The following SIK2 variants were observed in gnomAD, a reference collection of about 807,000 sequenced individuals.
SIK2 encodes serine/threonine-protein kinase SIK2.
In SIK2, 29 loss-of-function variants were observed where a neutral mutation model predicts 103.2. That is an observed-to-expected ratio of 0.28 (90% CI 0.21 to 0.38). SIK2 has a LOEUF of 0.38. Ranked by LOEUF, SIK2 falls within the 10% of genes least tolerant of loss-of-function variation. The pLI is 1.00. For missense variants in SIK2, 879 were observed against 1,171.0 expected, an observed-to-expected ratio of 0.75 and a Z score of 3.64; for synonymous variants, 412 against 446.1, an observed-to-expected ratio of 0.92 and a Z score of 0.96.
intron 2 of SIK2, among the ~76,000 whole-genome samples, chr11:111,617,476 C>T (rs553197724): frequency 2.0e-5 from 3 of 152,254 alleles, no homozygotes; most frequent in African/African-American, 4.8e-5. Flanking sequence ...CCGCCTGTAC[C>T]GGCTCGTTGA....
chr11:111,729,052 G>A lies in SIK2; in HGVS notation c.*4923G>A, dbSNP rs1261356495. 2 of 152,254 alleles carry A rather than the reference G, an allele frequency of 1.3e-5. No homozygotes were observed. Among genetic ancestry groups the A allele is most frequent in the Admixed American group, 6.5e-5 (1 of 15,288 alleles). 9.4% of individuals were successfully genotyped at this position (152,254 alleles called of 1,614,324 possible). On this transcript the variant is annotated 3_prime_UTR_variant, in exon 15 of 15. Coordinates refer to ENST00000304987, the MANE Select transcript of SIK2 (RefSeq NM_015191.3). ...CAGTGTGGTCTGAAGCACCTGTAATGTCAGAGCCCTTGTCTGGCCCTTGGT... is the reference window on the plus strand; with the variant it reads ...CAGTGTGGTCTGAAGCACCTGTAATATCAGAGCCCTTGTCTGGCCCTTGGT...
intron 8 of SIK2, among the ~76,000 whole-genome samples, chr11:111,706,993 A>G (rs1347489940): frequency 2.6e-5 from 4 of 151,576 alleles, no homozygotes; most frequent in Non-Finnish European, 5.9e-5. Flanking sequence ...ATTGATACAG[A>G]TGTAAGTAAA....
intron 3 of SIK2, among the ~76,000 whole-genome samples, chr11:111,660,669 T>TA (rs1328682963): frequency 2.6e-5 from 4 of 152,172 alleles, no homozygotes; most frequent in Non-Finnish European, 5.9e-5. Flanking sequence ...AATTTTGTCA[T>TA]AAAAAATATT....
rs1943201447 is a variant in SIK2, at chr11:111,701,044, T to C, written c.603+34T>C. Reference sequence around the variant, plus strand: ...TTGCTTTGCTGTGTTGTTAAATGCATCTATACTGATAATACTTGGTGTTCT... The same window carrying C: ...TTGCTTTGCTGTGTTGTTAAATGCACCTATACTGATAATACTTGGTGTTCT... On this transcript the variant is annotated intron_variant, in intron 5 of 14. Transcript: ENST00000304987. This position sits in a 1 kb window ranked among gnomAD's most constrained non-coding sequence, Gnocchi z 4.2. The C allele has an allele frequency of 1.2e-6, 2 of 1,601,368 alleles. No homozygotes were observed. The highest frequency in any genetic ancestry group is 1.7e-6 in the Non-Finnish European group (2 of 1,171,080).
Position 111,720,709 on chromosome 11 carries a change from C to A in SIK2, c.1727C>A (p.Ser576Tyr). ...CAGAAACGAGAGGTCCACAACAGGTCTCCAGTGAGCTTCAGAGAGGGCCGC... is the reference window on the plus strand; with the variant it reads ...CAGAAACGAGAGGTCCACAACAGGTATCCAGTGAGCTTCAGAGAGGGCCGC... ...SSQKREVHNR[S>Y]PVSFREGRRA... Residue 576 changes from serine to tyrosine, a missense_variant, in exon 11 of 15, where the codon TCT becomes TAT. Physicochemically the swap from Ser to Tyr is moderately radical, Grantham distance 144. Transcript: ENST00000304987. 1 of 1,612,464 alleles carries A rather than the reference C, an allele frequency of 6.2e-7. No individual in the cohort carries two copies.
chr11:111,722,564 A>G lies in SIK2; in HGVS notation c.2056-101A>G. The G allele has an allele frequency of 9.0e-7, 1 of 1,114,760 alleles. No homozygotes were observed. The highest frequency in any genetic ancestry group is 1.3e-6 in the Non-Finnish European group (1 of 759,496). The allele number at this position is 1,114,760 out of a possible 1,614,324, so 69.1% of individuals were successfully genotyped here. On this transcript the variant is annotated intron_variant, in intron 13 of 14. Transcript: ENST00000304987. This position sits in a 1 kb window ranked among gnomAD's most constrained non-coding sequence, Gnocchi z 4.4. ...TCCCTTCACCCCGTGTGGATTCTGT[A>G]GAATGCAGTTAGATTCATCCTGCAG... is the stretch of plus-strand genomic sequence containing the variant.
At position 111,602,606 on chromosome 11, in the gene SIK2, G is replaced by A; in HGVS notation, c.43G>A (p.Val15Ile). ...CCCGAGGCACTTGCAGCGCGGGCCG[G>A]TCCGGGTGGGGTTCTACGACATCGA... ...DGPRHLQRGPVRVGFYDIEGT... is the reference protein window; with the variant it reads ...DGPRHLQRGPIRVGFYDIEGT... Residue 15 changes from valine to isoleucine, a missense_variant, in exon 1 of 15, where the codon GTC becomes ATC. By Grantham distance (29) the Val-to-Ile change is conservative (BLOSUM62 3). This residue lies in a region of SIK2 where 47 missense variants were observed against 43.9 expected (regional missense o/e 1.07). Transcript: ENST00000304987. The surrounding 1 kb of genome is among the most constrained non-coding windows in gnomAD (Gnocchi z 4.5). 6.5e-7 allele frequency: 1 copy of A among 1,535,064 alleles called. No individual in the cohort carries two copies. Among genetic ancestry groups the A allele is most frequent in the South Asian group, 1.2e-5 (1 of 82,702 alleles).
At chr11:111,656,292 T>C (rs547609053) in intron 3 of SIK2, among the ~76,000 whole-genome samples, 31 of 152,170 alleles carry the variant, frequency 2.0e-4, no homozygotes, top group Non-Finnish European at 4.6e-4. Flanking sequence ...CAAGAACATA[T>C]TTATATTACT....
At position 111,726,659 on chromosome 11, in the gene SIK2, C is replaced by CCTAA. The variant is rs539025302; in HGVS notation, c.*2534_*2537dup. 6 of 391,396 alleles carry CCTAA rather than the reference C, an allele frequency of 1.5e-5. No individual in the cohort carries two copies. The highest frequency in any genetic ancestry group is 2.8e-5 in the Non-Finnish European group (6 of 211,898). 24.2% of individuals were successfully genotyped at this position (391,396 alleles called of 1,614,324 possible). A position where few individuals can be genotyped will look rare whatever the true frequency, so the allele number is the denominator to read the frequency against. On this transcript the variant is annotated 3_prime_UTR_variant, in exon 15 of 15. Transcript: ENST00000304987. ...GTCTGATCACCTGTGCTGCTCTGTC[C>CCTAA]CTAACTAGTGACCCATGGAAGCTTC...
chr11:111,700,149 T>C (rs1184948826), intron 4 of SIK2, among the ~76,000 whole-genome samples: 1 of 152,262 alleles, frequency 6.6e-6, no homozygotes, highest in African/African-American at 2.4e-5. Flanking sequence ...TGAAGGCATC[T>C]AAGTAGTGTT....
rs1301275798 is a variant in SIK2 at position 111,703,251 on chromosome 11, G to A, written c.776G>A (p.Arg259Gln). 1 of 1,614,038 alleles carries A rather than the reference G, an allele frequency of 6.2e-7. No homozygotes were observed. Among genetic ancestry groups the A allele is most frequent in the Non-Finnish European group, 8.5e-7 (1 of 1,180,034 alleles). The part of the protein sequence containing the change: ...RRMLVLDPSK[R>Q]LTIAQIKEHK... ...ATGTTGGTCCTAGACCCATCCAAAC[G>A]GCTAACCATAGCCCAAATCAAGGAG... The change falls in exon 7 of 15, where the codon CGG becomes CAG. Residue 259 changes from arginine (R) to glutamine (Q), a missense_variant. Physicochemically the swap from Arg to Gln is conservative, Grantham distance 43. Coordinates refer to ENST00000304987, the MANE Select transcript of SIK2 (RefSeq NM_015191.3).
At chr11:111,666,860 G>T (rs996461814) in intron 3 of SIK2, among the ~76,000 whole-genome samples, 6 of 152,042 alleles carry the variant, frequency 3.9e-5, no homozygotes, top group African/African-American at 1.4e-4. Context: ...TATGAAAATA[G>T]AATTTTTTGC....
intron 3 of SIK2, among the ~76,000 whole-genome samples, chr11:111,653,158 A>G (rs1470505683): frequency 2.6e-5 from 4 of 152,140 alleles, no homozygotes; most frequent in Admixed American, 2.6e-4. Flanking sequence ...CTTCCCCTCA[A>G]CCAGAAGGGC....
intron 1 of SIK2, among the ~76,000 whole-genome samples, chr11:111,603,922 T>C (rs975366762): frequency 1.3e-5 from 2 of 152,228 alleles, no homozygotes; most frequent in African/African-American, 4.8e-5. Context: ...ACGTGAGTGA[T>C]TTTTGGAGTT....
chr11:111,614,381 G>A (rs952801283), intron 1 of SIK2, among the ~76,000 whole-genome samples: 3 of 152,122 alleles, frequency 2.0e-5, no homozygotes, highest in Non-Finnish European at 4.4e-5. Context: ...ACAGCGCCCA[G>A]CCTGACTCCC....
In SIK2 at chr11:111,726,952, T is replaced by C; in HGVS notation, c.*2823T>C. On this transcript the variant is annotated 3_prime_UTR_variant, in exon 15 of 15. Coordinates refer to ENST00000304987, the MANE Select transcript of SIK2 (RefSeq NM_015191.3). ...TACTTTATTTTTTATGTTCTTTTTT[T>C]AAATCTGGGGTATTAGTCTGTGCTT... The C allele has an allele frequency of 6.2e-7, 1 of 1,611,984 alleles. No individual in the cohort carries two copies. The highest frequency in any genetic ancestry group is 8.5e-7 in the Non-Finnish European group (1 of 1,178,168).
chr11:111,716,517 C>T (rs946827137), intron 9 of SIK2, among the ~76,000 whole-genome samples: 1 of 152,100 alleles, frequency 6.6e-6, no homozygotes, highest in Non-Finnish European at 1.5e-5. Context: ...ATGGAGGTTG[C>T]AGTGAGCCCA....
In SIK2 at chr11:111,602,855, G is replaced by T. The variant is rs1017417271; in HGVS notation, c.135+157G>T. Among the ~76,000 whole-genome samples, 5 of 152,134 alleles carry T rather than the reference G, an allele frequency of 3.3e-5. No homozygotes were observed. Among genetic ancestry groups the T allele is most frequent in the African/African-American group, 9.7e-5 (4 of 41,440 alleles). ...CTGGGACTGTGAGGACCCAGGAGGT[G>T]CAGGGGGTCGGTGAGCAGCGAAGGG... On this transcript the variant is annotated intron_variant, in intron 1 of 14. Transcript: ENST00000304987. This position sits in a 1 kb window ranked among gnomAD's most constrained non-coding sequence, Gnocchi z 4.5.
chr11:111,666,520 A>G (rs1942544686), intron 3 of SIK2, among the ~76,000 whole-genome samples: 1 of 152,242 alleles, frequency 6.6e-6, no homozygotes, highest in African/African-American at 2.4e-5. Flanking sequence ...AGACTTTTGC[A>G]GTATAATTAA....
Sources: allele counts gnomAD v4.1 joint callset (sites outside exome capture counted in the v4.1 genomes callset), GRCh38; gene constraint gnomAD v4.1.1; regional missense constraint gnomAD v4.1.1; non-coding constraint Gnocchi (gnomAD v3.1); transcripts MANE v1.5; gene names NCBI Gene and HGNC (gene_info 2026-07-23, HGNC 2026-07-21).